Variants in FASN observed in about 807,000 individuals in gnomAD.
FASN encodes the protein fatty acid synthase.
In FASN, 50 loss-of-function variants were observed where a neutral mutation model predicts 250.0. The ratio of observed to expected loss-of-function variants is 0.20; its 90% confidence interval spans 0.16 to 0.25. The LOEUF is 0.25. Ranked by LOEUF, FASN falls within the 10% of genes least tolerant of loss-of-function variation. The pLI, the probability that FASN is intolerant of heterozygous loss-of-function variation, is 1.00. For synonymous variants in FASN, 1,909 were observed against 1,584.0 expected (o/e 1.21, Z -4.87); for missense variants, 3,031 against 3,498.5 (o/e 0.87, Z 3.37).
chr17:82,095,566 G>T, intron 2 of FASN, 94 bp from the exon 3 acceptor site: 2 of 1,466,148 alleles, frequency 1.4e-6, no homozygotes, highest in Non-Finnish European at 9.4e-7. Context: ...GGCCATGGTG[G>T]AACTGAGGAC....
At chr17:82,086,996 G>C in intron 21 of FASN, 54 bp downstream of exon 21, 1 of 1,590,700 alleles carries the variant, frequency 6.3e-7, no homozygotes, top group Non-Finnish European at 8.6e-7. Flanking sequence ...GTGAGGGGAG[G>C]CGATCGCTCC....
At chr17:82,082,808 A>G (rs2034014677) in intron 33 of FASN, 106 bp downstream of exon 33, 2 of 1,543,586 alleles carry the variant, frequency 1.3e-6, no homozygotes, top group Non-Finnish European at 1.8e-6. Flanking sequence ...AGGGGGACAG[A>G]CCCCAGGCAC....
rs773684317 is a variant in FASN, at chr17:82,083,873, G to A, written c.5117C>T (p.Ala1706Val). The change falls in exon 30 of 43, where the codon GCG (alanine) becomes GTG (valine). Residue 1706 changes from alanine (A) to valine (V), a missense_variant. Coordinates refer to ENST00000306749, the MANE Select transcript of FASN (RefSeq NM_004104.5). The stretch of plus-strand genomic sequence containing the variant: ...CTGGGGGAACCTGGCCTGGAGGTAC[G>A]CCCGCTTCTCAGCCGACCCTGGTGA... ...FTTVGSAEKR[A>V]YLQARFPQLD... 2.7e-5 allele frequency: 43 copies of A among 1,575,160 alleles called. No individual in the cohort carries two copies. The highest frequency in any genetic ancestry group is 1.7e-4 in the Middle Eastern group (1 of 6,026).
chr17:82,087,653 G>A lies in FASN; in HGVS notation c.3043+32C>T, dbSNP rs1163300150. ...CCCACAATGACGACCGCCCTCCCCG[G>A]TGGCTTGGGCAGCAGTGTAGTCAGT... On this transcript the variant is annotated intron_variant, in intron 19 of 42. Transcript: ENST00000306749. 1.9e-6 allele frequency: 3 copies of A among 1,608,292 alleles called. No individual in the cohort carries two copies. The Admixed American group carries it at 5.0e-5, about 27-fold the overall frequency.
At chr17:82,088,064 G>A (rs1228246834) in intron 17 of FASN, 30 bp from the exon 18 acceptor site, 14 of 1,612,540 alleles carry the variant, frequency 8.7e-6, no homozygotes, top group African/African-American at 1.3e-5. Context: ...GAGATCAGAG[G>A]GCAGCACCCG....
chr17:82,083,083 C>A lies in FASN; in HGVS notation c.5598G>T (p.Lys1866Asn). Residue 1866 changes from lysine (K) to asparagine (N), a missense_variant, in exon 33 of 43, where the codon AAG (lysine) becomes AAT (asparagine). Lys to Asn is a moderately conservative substitution (Grantham distance 94, BLOSUM62 0). Coordinates refer to ENST00000306749, the MANE Select transcript of FASN (RefSeq NM_004104.5). ...VLAEEPEAVL[K>N]GAKPKLMSAI... ...CCGACATCAGCTTGGGTTTGGCCCC[C>A]TTCAGCACTGCCTCCGGCTCCTCCG... 1 of 1,611,542 alleles carries A rather than the reference C, an allele frequency of 6.2e-7. No homozygotes were observed. Among genetic ancestry groups the A allele is most frequent in the South Asian group, 1.1e-5 (1 of 91,074 alleles).
In FASN at chr17:82,079,366, G is replaced by C; in HGVS notation, c.7389C>G (p.Asn2463Lys). The change falls in exon 42 of 43, where the codon AAC becomes AAG. Residue 2463 changes from asparagine to lysine, a missense_variant. By Grantham distance (94) the Asn-to-Lys change is moderately conservative (BLOSUM62 0). Transcript: ENST00000306749. Reference sequence around the variant, plus strand: ...CAGGCCCCTTGCGCACCTGGGAGAGGTTGTAGTCCGCGCCCAGGTCCTCGC... The same window carrying C: ...CAGGCCCCTTGCGCACCTGGGAGAGCTTGTAGTCCGCGCCCAGGTCCTCGC... ...AYGEDLGADYNLSQVCDGKVS... is the reference protein window; with the variant it reads ...AYGEDLGADYKLSQVCDGKVS... 1 of 1,613,018 alleles carries C rather than the reference G, an allele frequency of 6.2e-7. No homozygotes were observed.
rs544372186 is a variant in FASN at position 82,089,394 on chromosome 17, G to A, written c.1966-10C>T. ...ACTCAAACACCGGGGCCTGGACATC[G>A]TGGGAGCCTGGATAAGCATCCTGGC... On this transcript the variant is annotated splice_polypyrimidine_tract_variant and intron_variant, in intron 12 of 42. Transcript: ENST00000306749. The A allele has an allele frequency of 3.7e-6, 6 of 1,612,728 alleles. No individual in the cohort carries two copies. Among genetic ancestry groups the A allele is most frequent in the African/African-American group, 1.3e-5 (1 of 75,036 alleles).
chr17:82,080,900 C>T lies in FASN; in HGVS notation c.6618G>A (p.Lys2206=), dbSNP rs1418697958. ...EASELACPTP[K]EDGLAQQQTQ... ...TCTGCTGCTGGGCCAGACCATCCTC[C>T]TTGGGCGTGGGGCATGCCAGCTCTG... is the stretch of plus-strand genomic sequence containing the variant. Residue 2206 remains lysine, a synonymous_variant, in exon 39 of 43, where the codon AAG becomes AAA. Transcript: ENST00000306749. 12 of 1,610,084 alleles carry T rather than the reference C, an allele frequency of 7.5e-6. No individual in the cohort carries two copies. Among genetic ancestry groups the T allele is most frequent in the Non-Finnish European group, 1.0e-5 (12 of 1,179,070 alleles).
rs371343146 is a variant in FASN, at chr17:82,080,403, G to A, written c.7014C>T (p.Asp2338=). Residue 2338 remains aspartate, a synonymous_variant, in exon 40 of 43, where the codon GAC becomes GAT. Transcript: ENST00000306749. The part of the protein sequence containing the change: ...APTHNSLFLF[D]GSPTYVLAYT... ...AGGCCAGTACGTAGGTGGGCGAGCCGTCGAACAGGAAGAGGCTGTTGTGGG... is the reference window on the plus strand; with the variant it reads ...AGGCCAGTACGTAGGTGGGCGAGCCATCGAACAGGAAGAGGCTGTTGTGGG... 3.7e-6 allele frequency: 6 copies of A among 1,602,734 alleles called. No homozygotes were observed. The highest frequency in any genetic ancestry group is 1.7e-5 in the Admixed American group (1 of 58,130).
At chr17:82,089,460 C>T in intron 12 of FASN, 76 bp from the exon 13 acceptor site, 3 of 1,610,558 alleles carry the variant, frequency 1.9e-6, no homozygotes, top group Non-Finnish European at 2.5e-6. Flanking sequence ...GGCGCACCCA[C>T]CTCACCCCAA....
rs111918281 is a variant in FASN, at chr17:82,083,990, C to T, written c.5083G>A (p.Val1695Ile). Residue 1695 changes from valine (V) to isoleucine (I), a missense_variant, in exon 29 of 43, where the codon GTC becomes ATC. Val to Ile is a conservative substitution (Grantham distance 29). Coordinates refer to ENST00000306749, the MANE Select transcript of FASN (RefSeq NM_004104.5). ...GGGGCCTTACCCACGGTGGTGAAGA[C>T]GCGGCAGCCCAGACTGAGGGCGATG... ...IAIALSLGCR[V>I]FTTVGSAEKR... 3.2e-5 allele frequency: 49 copies of T among 1,539,346 alleles called. No homozygotes were observed. The African/African-American group carries it at 3.4e-4, about 11-fold the overall frequency.
intron 1 of FASN, among the ~76,000 whole-genome samples, chr17:82,097,076 T>A (rs191233425): frequency 6.9e-4 from 105 of 152,170 alleles, no homozygotes; most frequent in Middle Eastern, 3.4e-3. Flanking sequence ...AGGGACGAAA[T>A]GGGGATAGCC....
In FASN at chr17:82,090,927, G is replaced by C; in HGVS notation, c.1635C>G (p.Thr545=). 6.2e-7 allele frequency: 1 copy of C among 1,611,186 alleles called. No homozygotes were observed. Among genetic ancestry groups the C allele is most frequent in the Non-Finnish European group, 8.5e-7 (1 of 1,179,258 alleles). Residue 545 remains threonine, a synonymous_variant, in exon 10 of 43, where the codon ACC becomes ACG. Transcript: ENST00000306749. ...SQLLLSTDES[T]FDDIVHSFVS... is the part of the protein sequence containing the mutation. ...CAAACGAATGGACGATGTCATCAAA[G>C]GTGCTCTCGTCTGTGCTCAGCAGCA...
Position 82,085,265 on chromosome 17 carries a change from G to A in FASN, c.4260C>T (p.Thr1420=), listed in dbSNP as rs1279275608. 2 of 1,611,830 alleles carry A rather than the reference G, an allele frequency of 1.2e-6. No individual in the cohort carries two copies. The highest frequency in any genetic ancestry group is 2.2e-5 in the East Asian group (1 of 44,862). The part of the protein sequence containing the change: ...DSPIFLPVDD[T]SFRWVESLKG... ...TCAGAGACTCCACCCAGCGGAAGCTGGTATCGTCCACCGGCAGGAAGATGG... is the reference window on the plus strand; with the variant it reads ...TCAGAGACTCCACCCAGCGGAAGCTAGTATCGTCCACCGGCAGGAAGATGG... The change falls in exon 24 of 43, where the codon ACC becomes ACT. Residue 1420 remains threonine (T), a synonymous_variant. Transcript: ENST00000306749.
intron 12 of FASN, 40 bp downstream of exon 12, chr17:82,089,592 C>G: frequency 6.4e-7 from 1 of 1,559,606 alleles, no homozygotes; most frequent in Non-Finnish European, 8.7e-7. Context: ...CAATGGCAGG[C>G]GCAGGGGACA....
At chr17:82,092,615 G>A (rs371388087) in intron 7 of FASN, 26 bp from the exon 8 acceptor site, 10 of 1,603,738 alleles carry the variant, frequency 6.2e-6, no homozygotes, top group Non-Finnish European at 6.8e-6. Flanking sequence ...GGGGTGAGGG[G>A]CTCTGGCCAG....
chr17:82,092,009 G>T (rs186557133), intron 8 of FASN, among the ~76,000 whole-genome samples: 1 of 152,346 alleles, frequency 6.6e-6, no homozygotes, highest in East Asian at 1.9e-4. Context: ...CAGAAGTTGG[G>T]GGGCAGAGGG....
intron 1 of FASN, among the ~76,000 whole-genome samples, chr17:82,097,703 C>G (rs2034328428): frequency 6.6e-6 from 1 of 152,066 alleles, no homozygotes; most frequent in South Asian, 2.1e-4. Context: ...GGTCCCGGCG[C>G]GGCCCCTGCG....
Sources: allele counts gnomAD v4.1 joint callset (sites outside exome capture counted in the v4.1 genomes callset), GRCh38; gene constraint gnomAD v4.1.1; transcripts MANE v1.5; gene names NCBI Gene and HGNC (gene_info 2026-07-23, HGNC 2026-07-21).